The following FRMD4A variants were observed in gnomAD, a reference collection of about 807,000 sequenced individuals.
FRMD4A encodes the protein FERM domain containing 4A.
Under a neutral mutation model 129.1 loss-of-function variants are expected in FRMD4A, and 29 were observed. The ratio of observed to expected loss-of-function variants is 0.22; its 90% CI spans 0.17 to 0.31. FRMD4A has a LOEUF of 0.31. FRMD4A is among the 10% of genes least tolerant of loss of function. FRMD4A has a pLI of 1.00. For synonymous variants in FRMD4A, 634 were observed against 571.6 expected, an observed-to-expected ratio of 1.11 and a Z score of -1.56; for missense variants, 1,272 against 1,375.8, an observed-to-expected ratio of 0.92 and a Z score of 1.19.
chr10:13,774,495 C>T (rs1039263833), intron 6 of FRMD4A, among the ~76,000 whole-genome samples: 3 of 152,214 alleles, frequency 2.0e-5, no homozygotes, highest in African/African-American at 7.2e-5. Flanking sequence ...ATTCTATACC[C>T]AGTGTGGAGA....
intron 8 of FRMD4A, among the ~76,000 whole-genome samples, chr10:13,749,825 C>CA (rs1446369615): frequency 1.3e-5 from 2 of 151,616 alleles, no homozygotes; most frequent in Non-Finnish European, 2.9e-5. Context: ...CCTGTCTCTA[C>CA]AAAAAATACA....
chr10:13,858,960 A>C, intron 2 of FRMD4A, 48 bp from the exon 3 acceptor site: 1 of 1,189,936 alleles, frequency 8.4e-7, no homozygotes, highest in Non-Finnish European at 1.3e-6. Context: ...GCAGCCAGAC[A>C]AAGGGTTAGA....
Position 13,657,485 on chromosome 10 carries a change from C to T in FRMD4A, c.2104G>A (p.Ala702Thr), listed in dbSNP as rs2082264910. Residue 702 changes from alanine (A) to threonine (T), a missense_variant, in exon 22 of 25, where the codon GCA becomes ACA. This residue lies in a region of FRMD4A where 972 missense variants were observed against 892.3 expected (regional missense o/e 1.09). Coordinates refer to ENST00000357447, the MANE Select transcript of FRMD4A (RefSeq NM_018027.5). ...DISPTRLHSLALHFRHRSSSL... is the reference protein window; with the variant it reads ...DISPTRLHSLTLHFRHRSSSL... Reference sequence around the variant, plus strand: ...GAGCTCCGGTGCCTAAAGTGCAGTGCGAGGCTGTGCAGTCGGGTGGGGCTG... The same window carrying T: ...GAGCTCCGGTGCCTAAAGTGCAGTGTGAGGCTGTGCAGTCGGGTGGGGCTG... 5 of 1,606,906 alleles carry T rather than the reference C, an allele frequency of 3.1e-6. No homozygotes were observed. The highest frequency in any genetic ancestry group is 4.2e-6 in the Non-Finnish European group (5 of 1,178,792).
chr10:13,691,442 G>C (rs1483157291), intron 15 of FRMD4A, among the ~76,000 whole-genome samples: 1 of 152,164 alleles, frequency 6.6e-6, no homozygotes, highest in Non-Finnish European at 1.5e-5. Context: ...AGATGGACCA[G>C]GACACGGGCT....
At chr10:13,912,563 C>A (rs2094953616) in intron 2 of FRMD4A, among the ~76,000 whole-genome samples, 1 of 142,070 alleles carries the variant, frequency 7.0e-6, no homozygotes, top group African/African-American at 2.6e-5. Flanking sequence ...GAGTCTCGCT[C>A]TGTCGCCCAG....
intron 2 of FRMD4A, among the ~76,000 whole-genome samples, chr10:14,325,265 C>A (rs1213905130): frequency 1.3e-5 from 2 of 152,212 alleles, no homozygotes; most frequent in South Asian, 2.1e-4. Flanking sequence ...CTGAATCTAT[C>A]AGATTAGACC....
chr10:14,285,031 T>G (rs972789259), intron 2 of FRMD4A, among the ~76,000 whole-genome samples: 12 of 152,248 alleles, frequency 7.9e-5, no homozygotes, highest in Non-Finnish European at 1.5e-4. Context: ...CTTTGCTTAT[T>G]TAATGAAGGA....
At chr10:13,849,653 A>G (rs1211563475) in intron 3 of FRMD4A, among the ~76,000 whole-genome samples, 2 of 151,064 alleles carry the variant, frequency 1.3e-5, no homozygotes. Context: ...CTAATTTTGT[A>G]TTTTTAGTAG....
At chr10:13,994,729 A>G (rs2095616428) in intron 2 of FRMD4A, among the ~76,000 whole-genome samples, 1 of 152,210 alleles carries the variant, frequency 6.6e-6, no homozygotes, top group Admixed American at 6.5e-5. Context: ...TTCCTTAAAT[A>G]TAAGAACAAC....
chr10:13,992,249 G>A (rs938772686), intron 2 of FRMD4A, among the ~76,000 whole-genome samples: 1 of 152,200 alleles, frequency 6.6e-6, no homozygotes, highest in Admixed American at 6.5e-5. Flanking sequence ...AGTGGTTCAA[G>A]GGGTTTCTAC....
intron 2 of FRMD4A, among the ~76,000 whole-genome samples, chr10:14,016,161 C>T (rs2095698503): frequency 6.6e-6 from 1 of 152,256 alleles, no homozygotes; most frequent in African/African-American, 2.4e-5. Context: ...GGGAAGTAGA[C>T]CTGGCCCTCT....
At chr10:14,174,866 A>AGTGT (rs1404095209) in intron 2 of FRMD4A, among the ~76,000 whole-genome samples, 1 of 139,520 alleles carries the variant, frequency 7.2e-6, no homozygotes, top group Non-Finnish European at 1.5e-5. Context: ...TAAAAAAAAA[A>AGTGT]GTGTGTGTGT....
chr10:13,824,693 G>C (rs904263797), intron 3 of FRMD4A, among the ~76,000 whole-genome samples: 1 of 151,830 alleles, frequency 6.6e-6, no homozygotes, highest in East Asian at 1.9e-4. Context: ...ATGAATTTGA[G>C]ACCAGCCTGA....
At chr10:13,677,261 T>A (rs2084087105) in intron 15 of FRMD4A, among the ~76,000 whole-genome samples, 1 of 152,176 alleles carries the variant, frequency 6.6e-6, no homozygotes. Flanking sequence ...AAATAGAGAA[T>A]ATATCTGTCA....
intron 2 of FRMD4A, among the ~76,000 whole-genome samples, chr10:14,181,445 C>A (rs779868858): frequency 9.9e-5 from 15 of 152,100 alleles, no homozygotes; most frequent in East Asian, 1.9e-4. Context: ...GGCATCTGGG[C>A]GGAAGCAATG....
intron 17 of FRMD4A, among the ~76,000 whole-genome samples, chr10:13,669,749 C>T (rs946612845): frequency 5.3e-5 from 8 of 152,212 alleles, no homozygotes; most frequent in African/African-American, 1.9e-4. Context: ...TTCTCATTAA[C>T]CAGCCAGAGA....
At chr10:13,906,961 C>G (rs1201641158) in intron 2 of FRMD4A, among the ~76,000 whole-genome samples, 14 of 152,194 alleles carry the variant, frequency 9.2e-5, no homozygotes. Flanking sequence ...GCATTTACCC[C>G]TGAGGTGTTG....
At chr10:13,824,833 T>G (rs150720990) in intron 3 of FRMD4A, among the ~76,000 whole-genome samples, 1,590 of 147,560 alleles carry the variant, frequency 0.011, 25 homozygotes, top group African/African-American at 0.037. Flanking sequence ...AGGCAGAGGT[T>G]GTAGTGAGCC....
rs915195295 is a variant in FRMD4A at position 14,330,682 on chromosome 10, A to G, written c.-167T>C. 2.3e-5 allele frequency: 9 copies of G among 398,510 alleles called. No homozygotes were observed. The highest frequency in any genetic ancestry group is 3.5e-5 in the Non-Finnish European group (8 of 226,264). The allele number at this position is 398,510 out of a possible 1,614,324, so 24.7% of individuals were successfully genotyped here. A position where few individuals can be genotyped will look rare whatever the true frequency, so the allele number is the denominator to read the frequency against. On this transcript the variant is annotated 5_prime_UTR_variant, in exon 1 of 25. Transcript: ENST00000357447. ...CAGATATCTGGGAGTGAGACAGCCG[A>G]GTCTGACCATGAGGCACCAGGCAGT...
Sources: gnomAD v4.1 joint callset for allele counts (sites outside exome capture counted in the v4.1 genomes callset) on GRCh38, gnomAD v4.1.1 for gene constraint, gnomAD v4.1.1 regional missense constraint, MANE v1.5 for transcripts, NCBI Gene and HGNC (gene_info 2026-07-23, HGNC 2026-07-21) for gene names.